Variants in BMPR1A observed in about 807,000 individuals in gnomAD.
BMPR1A encodes bone morphogenetic protein receptor type-1A.
BMPR1A carries 7 observed loss-of-function variants against 66.0 expected under a neutral mutation model. The observed-to-expected ratio is 0.11, with a 90% CI of 0.06 to 0.20. The LOEUF (loss-of-function observed/expected upper bound fraction) is 0.20, where lower values mean the gene tolerates loss of function less well. Among genes scored for constraint, BMPR1A ranks in the 10% least tolerant of loss-of-function variants. The pLI is 1.00. For synonymous variants in BMPR1A, 200 were observed against 229.7 expected, an observed-to-expected ratio of 0.87 and a Z score of 1.17; for missense variants, 408 against 669.1, an observed-to-expected ratio of 0.61 and a Z score of 4.31.
intron 5 of BMPR1A, among the ~76,000 whole-genome samples, chr10:86,895,067 G>A (rs995487346): frequency 3.9e-5 from 6 of 152,182 alleles, no homozygotes; most frequent in African/African-American, 1.4e-4. Context: ...AAACGGTGTT[G>A]TAATTCGAAG....
At chr10:86,763,891 C>T (rs934277442) in intron 1 of BMPR1A, among the ~76,000 whole-genome samples, 1 of 149,422 alleles carries the variant, frequency 6.7e-6, no homozygotes, top group Admixed American at 6.7e-5. Context: ...CCCGGGTTCA[C>T]GCCATTCTCC....
intron 1 of BMPR1A, among the ~76,000 whole-genome samples, chr10:86,807,512 C>G (rs1229611349): frequency 6.6e-6 from 1 of 152,020 alleles, no homozygotes. Context: ...TCCTGAGTAG[C>G]TGGGGTTACA....
Position 86,923,586 on chromosome 10 carries a change from C to T in BMPR1A, c.1474-8C>T, listed in dbSNP as rs1163768825. Reference sequence around the variant, plus strand: ...TCTCTGCTCACTGAACATCTCTTTACTTTTCAGTGTCTACGAGCAGTTTTG... The same window carrying T: ...TCTCTGCTCACTGAACATCTCTTTATTTTTCAGTGTCTACGAGCAGTTTTG... On this transcript the variant is annotated splice_region_variant and splice_polypyrimidine_tract_variant and intron_variant, in intron 12 of 12. Coordinates refer to ENST00000372037, the MANE Select transcript of BMPR1A (RefSeq NM_004329.3). The T allele has an allele frequency of 1.9e-6, 3 of 1,614,102 alleles. No individual in the cohort carries two copies. In the African/African-American group the frequency reaches 4.0e-5, roughly 22 times the overall value.
At chr10:86,896,375 A>G (rs533438034) in intron 5 of BMPR1A, among the ~76,000 whole-genome samples, 3 of 152,302 alleles carry the variant, frequency 2.0e-5, no homozygotes, top group African/African-American at 7.2e-5. Flanking sequence ...TATTGTTTTG[A>G]TCAATTTTAT....
chr10:86,833,984 G>A (rs1161086303), intron 1 of BMPR1A, among the ~76,000 whole-genome samples: 1 of 152,152 alleles, frequency 6.6e-6, no homozygotes, highest in Non-Finnish European at 1.5e-5. Context: ...TGATCTGTTG[G>A]GTTGTCCTCA....
intron 1 of BMPR1A, among the ~76,000 whole-genome samples, chr10:86,778,602 C>A (rs571458785): frequency 6.6e-6 from 1 of 152,048 alleles, no homozygotes; most frequent in Non-Finnish European, 1.5e-5. Context: ...TTGTTCGGAA[C>A]GTTTGATATT....
intron 11 of BMPR1A, among the ~76,000 whole-genome samples, chr10:86,923,113 AT>A (rs969183464): frequency 2.0e-5 from 3 of 152,052 alleles, no homozygotes; most frequent in African/African-American, 7.3e-5. Flanking sequence ...CGCCTTGCTT[AT>A]TTTTTTTAAG....
intron 1 of BMPR1A, among the ~76,000 whole-genome samples, chr10:86,825,262 C>A (rs1257952118): frequency 1.3e-5 from 2 of 151,732 alleles, no homozygotes; most frequent in Non-Finnish European, 2.9e-5. Flanking sequence ...GCCACCAGCA[C>A]CCAGCCAAGA....
intron 1 of BMPR1A, among the ~76,000 whole-genome samples, chr10:86,804,567 T>C (rs1023277221): frequency 9.2e-5 from 14 of 152,138 alleles, no homozygotes; most frequent in African/African-American, 3.4e-4. Context: ...TATTTACAAA[T>C]TTATGGTCTG....
chr10:86,841,645 G>C (rs1413603560), intron 2 of BMPR1A, among the ~76,000 whole-genome samples: 2 of 152,290 alleles, frequency 1.3e-5, no homozygotes, highest in East Asian at 3.9e-4. Flanking sequence ...TGAAACCTCT[G>C]AAGTGATGTC....
chr10:86,884,761 CT>C (rs558643742), intron 3 of BMPR1A, among the ~76,000 whole-genome samples: 10 of 151,628 alleles, frequency 6.6e-5, no homozygotes, highest in African/African-American at 1.7e-4. Flanking sequence ...TTTCTAGAAG[CT>C]TTTTTTTGCC....
chr10:86,764,210 T>C (rs1841126547), intron 1 of BMPR1A, among the ~76,000 whole-genome samples: 1 of 152,008 alleles, frequency 6.6e-6, no homozygotes, highest in Admixed American at 6.5e-5. Flanking sequence ...GTTTTAAATT[T>C]GTATATAAGA....
At chr10:86,912,147 GGGAA>G in intron 7 of BMPR1A, 89 bp from the exon 8 acceptor site, 1 of 1,354,142 alleles carries the variant, frequency 7.4e-7, no homozygotes, top group Non-Finnish European at 1.0e-6. Context: ...TTCTTTCTGA[GGGAA>G]GGATAATGGT....
intron 2 of BMPR1A, among the ~76,000 whole-genome samples, chr10:86,861,428 C>T (rs1842713433): frequency 6.6e-6 from 1 of 152,152 alleles, no homozygotes; most frequent in African/African-American, 2.4e-5. Context: ...TGCCCTTATT[C>T]AGGGCAGTTA....
At chr10:86,778,897 G>A (rs966294775) in intron 1 of BMPR1A, among the ~76,000 whole-genome samples, 1 of 147,948 alleles carries the variant, frequency 6.8e-6, no homozygotes, top group Non-Finnish European at 1.5e-5. Flanking sequence ...CCATATTGCT[G>A]TGAATGAGTG....
chr10:86,773,978 G>A (rs1389616417), intron 1 of BMPR1A, among the ~76,000 whole-genome samples: 1 of 151,666 alleles, frequency 6.6e-6, no homozygotes, highest in East Asian at 1.9e-4. Context: ...AGCCTCCTGA[G>A]TAGCTAGAAT....
At chr10:86,793,239 T>C (rs1309153005) in intron 1 of BMPR1A, among the ~76,000 whole-genome samples, 1 of 152,084 alleles carries the variant, frequency 6.6e-6, no homozygotes, top group Non-Finnish European at 1.5e-5. Flanking sequence ...AATTAAAAAG[T>C]ATAGCATTGG....
intron 3 of BMPR1A, among the ~76,000 whole-genome samples, chr10:86,885,187 G>C (rs1192536398): frequency 6.6e-6 from 1 of 152,196 alleles, no homozygotes; most frequent in Non-Finnish European, 1.5e-5. Flanking sequence ...ATTTTGTGCT[G>C]CTCATGAGTG....
At chr10:86,790,337 T>G (rs924842161) in intron 1 of BMPR1A, among the ~76,000 whole-genome samples, 3 of 149,930 alleles carry the variant, frequency 2.0e-5, no homozygotes, top group Non-Finnish European at 4.4e-5. Context: ...AATGGGAACC[T>G]CCAGACACTA....
Sources: allele counts gnomAD v4.1 joint callset (sites outside exome capture counted in the v4.1 genomes callset), GRCh38; gene constraint gnomAD v4.1.1; transcripts MANE v1.5; gene names NCBI Gene and HGNC (gene_info 2026-07-23, HGNC 2026-07-21).